SYNJ2BP: variants seen among roughly 807,000 people sequenced by gnomAD.
SYNJ2BP encodes synaptojanin 2 binding protein.
A neutral mutation model predicts 16.9 loss-of-function variants in SYNJ2BP; 10 were observed. The observed-to-expected ratio is 0.59, with a 90% CI of 0.36 to 1.00. The LOEUF is 1.00. Among genes scored for constraint, SYNJ2BP ranks in the 50% least tolerant of loss-of-function variants. The probability of loss-of-function intolerance (pLI) is 0.01; values close to 1 mark genes in which losing one functional copy is unlikely to be tolerated. For missense variants in SYNJ2BP, 162 were observed against 186.7 expected (o/e 0.87, Z 0.77); for synonymous variants, 54 against 68.4 (o/e 0.79, Z 1.04).
chr14:70,401,785 G>A (rs1431434500), intron 1 of SYNJ2BP, among the ~76,000 whole-genome samples: 1 of 151,858 alleles, frequency 6.6e-6, no homozygotes, highest in African/African-American at 2.4e-5. Flanking sequence ...TCGGACTACA[G>A]GAGCACACCA....
intron 1 of SYNJ2BP, among the ~76,000 whole-genome samples, chr14:70,414,237 A>T (rs553464425): frequency 6.6e-6 from 1 of 152,316 alleles, no homozygotes; most frequent in Non-Finnish European, 1.5e-5. Flanking sequence ...TTTTCACCCA[A>T]GTTCATTCCT....
intron 1 of SYNJ2BP, among the ~76,000 whole-genome samples, chr14:70,390,853 G>A (rs1051732880): frequency 1.3e-5 from 2 of 151,968 alleles, no homozygotes; most frequent in African/African-American, 4.8e-5. Context: ...GCATACCTTA[G>A]CCAGGCATGG....
At chr14:70,407,182 A>G (rs904707257) in intron 1 of SYNJ2BP, among the ~76,000 whole-genome samples, 1 of 152,222 alleles carries the variant, frequency 6.6e-6, no homozygotes, top group African/African-American at 2.4e-5. Flanking sequence ...TACTCCTAGC[A>G]CTTTGGGAGG....
intron 1 of SYNJ2BP, among the ~76,000 whole-genome samples, chr14:70,413,732 C>T (rs1191921723): frequency 6.6e-6 from 1 of 152,188 alleles, no homozygotes; most frequent in African/African-American, 2.4e-5. Flanking sequence ...TCATAATTTC[C>T]CCAAGATTTC....
chr14:70,409,681 T>C (rs1388574589), intron 1 of SYNJ2BP, among the ~76,000 whole-genome samples: 1 of 152,240 alleles, frequency 6.6e-6, no homozygotes, highest in Non-Finnish European at 1.5e-5. Context: ...TTCTGATATC[T>C]TAGCCAGTTT....
intron 1 of SYNJ2BP, among the ~76,000 whole-genome samples, chr14:70,414,062 A>G (rs1228482219): frequency 6.6e-6 from 1 of 152,204 alleles, no homozygotes; most frequent in Non-Finnish European, 1.5e-5. Context: ...TGGTATTTTG[A>G]GACAGTCTCC....
intron 1 of SYNJ2BP, among the ~76,000 whole-genome samples, chr14:70,406,364 G>T (rs1454083169): frequency 6.6e-6 from 1 of 152,170 alleles, no homozygotes; most frequent in African/African-American, 2.4e-5. Flanking sequence ...AATTGTCCTT[G>T]TTCATTCCTG....
In SYNJ2BP at chr14:70,369,275, G is replaced by A. The variant is rs1887465675; in HGVS notation, c.*3716C>T. The A allele has an allele frequency of 6.6e-6, 1 of 152,086 alleles. No homozygotes were observed. Among genetic ancestry groups the A allele is most frequent in the Admixed American group, 6.6e-5 (1 of 15,262 alleles). The allele number at this position is 152,086 out of a possible 1,614,324, so 9.4% of individuals were successfully genotyped here. A position where few individuals can be genotyped will look rare whatever the true frequency, so the allele number is the denominator to read the frequency against. On this transcript the variant is annotated 3_prime_UTR_variant, in exon 4 of 4. Transcript: ENST00000256366. ...GCACCACTAATTTGTTTGACTTTTA[G>A]TAAAGACAGGGTTTCACCACATTGT...
At chr14:70,384,436 T>G (rs1472178800) in intron 2 of SYNJ2BP, among the ~76,000 whole-genome samples, 2 of 152,196 alleles carry the variant, frequency 1.3e-5, no homozygotes, top group Non-Finnish European at 2.9e-5. Context: ...CTTAAGTACA[T>G]TTCATAGTTA....
At chr14:70,393,515 C>A (rs1044653581) in intron 1 of SYNJ2BP, among the ~76,000 whole-genome samples, 1 of 152,180 alleles carries the variant, frequency 6.6e-6, no homozygotes, top group East Asian at 1.9e-4. Flanking sequence ...ATGTTTACTG[C>A]AGCACTGTTT....
chr14:70,401,774 C>T (rs1888242992), intron 1 of SYNJ2BP, among the ~76,000 whole-genome samples: 2 of 152,010 alleles, frequency 1.3e-5, no homozygotes, highest in African/African-American at 4.8e-5. Flanking sequence ...TCCCAAATAG[C>T]TCGGACTACA....
chr14:70,388,609 G>C lies in SYNJ2BP; in HGVS notation c.65-3C>G. On this transcript the variant is annotated splice_region_variant and splice_polypyrimidine_tract_variant and intron_variant, in intron 1 of 3. Coordinates refer to ENST00000256366, the MANE Select transcript of SYNJ2BP (RefSeq NM_018373.3). ...ACCGACGATGTTGAAGCCCAGCCCTGAGAAAATCATGGAGGAGTAAAAAGA... is the reference window on the plus strand; with the variant it reads ...ACCGACGATGTTGAAGCCCAGCCCTCAGAAAATCATGGAGGAGTAAAAAGA... The C allele has an allele frequency of 6.7e-7, 1 of 1,492,526 alleles. No individual in the cohort carries two copies. Among genetic ancestry groups the C allele is most frequent in the Non-Finnish European group, 8.9e-7 (1 of 1,119,442 alleles). 92.5% of individuals were successfully genotyped at this position (1,492,526 alleles called of 1,614,324 possible).
chr14:70,398,039 C>T (rs1168801582), intron 1 of SYNJ2BP, among the ~76,000 whole-genome samples: 1 of 152,194 alleles, frequency 6.6e-6, no homozygotes, highest in Non-Finnish European at 1.5e-5. Context: ...GTGTTCAACT[C>T]TCAGCAGAGA....
rs1887536287 is a variant in SYNJ2BP, at chr14:70,372,452, A to G, written c.*539T>C. ...CCTTTAATTCTCCATAGGGATCACT[A>G]TTATACTATAATATTTGCATACGTA... On this transcript the variant is annotated 3_prime_UTR_variant, in exon 4 of 4. Transcript: ENST00000256366. The G allele has an allele frequency of 6.5e-6, 1 of 154,244 alleles. No homozygotes were observed. Among genetic ancestry groups the G allele is most frequent in the South Asian group, 2.0e-4 (1 of 4,918 alleles). The allele number at this position is 154,244 out of a possible 1,614,324, so 9.6% of individuals were successfully genotyped here.
intron 3 of SYNJ2BP, 28 bp from the exon 4 acceptor site, chr14:70,373,159 T>A (rs1198908471): frequency 6.2e-7 from 1 of 1,612,428 alleles, no homozygotes; most frequent in South Asian, 1.1e-5. Flanking sequence ...ATGTTAACTC[T>A]AGTGACTAAT....
intron 1 of SYNJ2BP, among the ~76,000 whole-genome samples, chr14:70,399,168 G>A (rs986420052): frequency 3.9e-5 from 6 of 152,138 alleles, no homozygotes; most frequent in African/African-American, 9.7e-5. Context: ...GGGCCCCAAC[G>A]TGCGGCCCCA....
Position 70,378,424 on chromosome 14 carries a change from C to CTTT in SYNJ2BP, c.202-2656_202-2654dup, listed in dbSNP as rs34309608. On this transcript the variant is annotated intron_variant, in intron 2 of 3. Coordinates refer to ENST00000256366, the MANE Select transcript of SYNJ2BP (RefSeq NM_018373.3). ...TTATTGCCACTATCATTCCTTCAAA[C>CTTT]TTTTTTTTTTTTTTTTTTTTTTGAG... 1.8e-3 allele frequency among the ~76,000 whole-genome samples: 194 copies of CTTT among 110,120 alleles called. 1 individual carries two copies. Among genetic ancestry groups the CTTT allele is most frequent in the Non-Finnish European group, 2.4e-3 (131 of 55,660 alleles). 72.2% of individuals were successfully genotyped at this position (110,120 alleles called of 152,430 possible).
intron 1 of SYNJ2BP, among the ~76,000 whole-genome samples, chr14:70,403,571 ACACTC>A (rs1888285659): frequency 6.6e-6 from 1 of 152,176 alleles, no homozygotes; most frequent in Non-Finnish European, 1.5e-5. Flanking sequence ...CCTCACTGCT[ACACTC>A]CCACCAGCGC....
At chr14:70,378,424 C>CTTTTTTTTTTT (rs34309608) in intron 2 of SYNJ2BP, among the ~76,000 whole-genome samples, 1 of 110,132 alleles carries the variant, frequency 9.1e-6, no homozygotes, top group African/African-American at 3.7e-5. Context: ...TTCCTTCAAA[C>CTTTTTTTTTTT]TTTTTTTTTT....
Sources: allele counts gnomAD v4.1 joint callset (sites outside exome capture counted in the v4.1 genomes callset), GRCh38; gene constraint gnomAD v4.1.1; transcripts MANE v1.5; gene names NCBI Gene and HGNC (gene_info 2026-07-23, HGNC 2026-07-21).